MORN1: variants seen among roughly 807,000 people sequenced by gnomAD.
The protein encoded by MORN1 is MORN repeat containing 1, also known as MORN repeat-containing protein 1.
Under a neutral mutation model 61.9 loss-of-function variants are expected in MORN1, and 67 were observed. The ratio of observed to expected loss-of-function variants is 1.08; its 90% CI spans 0.89 to 1.33. MORN1 has a LOEUF of 1.33. Ranked by LOEUF, MORN1 falls within the 40% of genes most tolerant of loss-of-function variation. The pLI, the probability that MORN1 is intolerant of heterozygous loss-of-function variation, is 0.00. For missense variants in MORN1, 752 were observed against 691.2 expected (o/e 1.09, Z -0.99); for synonymous variants, 301 against 292.0 (o/e 1.03, Z -0.31).
chr1:2,322,157 C>A (rs973251726), intron 13 of MORN1: 209 of 985,306 alleles, frequency 2.1e-4, no homozygotes, highest in Non-Finnish European at 2.4e-4. Flanking sequence ...AGGAAAAGTA[C>A]TTTTCCTTTC....
chr1:2,369,106 C>A (rs1344934206), intron 8 of MORN1, among the ~76,000 whole-genome samples: 1 of 150,306 alleles, frequency 6.7e-6, no homozygotes, highest in African/African-American at 2.4e-5. Context: ...AATCCCAGCA[C>A]TTTGGGAGGC....
rs1007397932 is a variant in MORN1, at chr1:2,337,420, C to T, written c.1037-570G>A. On this transcript the variant is annotated intron_variant, in intron 10 of 13. Transcript: ENST00000378531. This position sits in a 1 kb window ranked among gnomAD's most constrained non-coding sequence, Gnocchi z 5.7. ...CTCGGGCATCAGAGGCGGGTGTGGG[C>T]GGGCTCAGCCTGTGCATCCCTCAGT... 7.9e-5 allele frequency among the ~76,000 whole-genome samples: 12 copies of T among 152,220 alleles called. No individual in the cohort carries two copies. Among genetic ancestry groups the T allele is most frequent in the Admixed American group, 3.9e-4 (6 of 15,296 alleles).
intron 10 of MORN1, among the ~76,000 whole-genome samples, chr1:2,348,590 C>T (rs55746811): frequency 0.12 from 18,190 of 150,810 alleles, 3,096 homozygotes; most frequent in African/African-American, 0.38. Flanking sequence ...TGCACACACA[C>T]GCATGCGCAC....
intron 13 of MORN1, chr1:2,321,910 C>G (rs1235149471): frequency 3.1e-6 from 2 of 655,256 alleles, no homozygotes; most frequent in Non-Finnish European, 1.9e-6. Flanking sequence ...GCTCTCAAGC[C>G]CCCACTGCTG....
rs138594566 is a variant in MORN1 at position 2,374,493 on chromosome 1, T to G, written c.602A>C (p.Tyr201Ser). The G allele has an allele frequency of 1.9e-4, 308 of 1,603,320 alleles. No individual in the cohort carries two copies. The African/African-American group carries it at 3.1e-3, about 16-fold the overall frequency. The change falls in exon 7 of 14, where the codon TAT (tyrosine) becomes TCT (serine). Residue 201 changes from tyrosine (Y) to serine (S), a missense_variant. Tyr to Ser is a moderately radical substitution (Grantham distance 144). Coordinates refer to ENST00000378531, the MANE Select transcript of MORN1 (RefSeq NM_024848.3). ...GTGGCCATTGATCCACAACCCATAA[T>G]AGGTGACCCCTGAGCAGTGGGCCAT... ...GSMAHCSGVTYYGLWINGHPA... is the reference protein window; with the variant it reads ...GSMAHCSGVTSYGLWINGHPA...
chr1:2,363,103 T>C (rs1432774667), intron 8 of MORN1: 2 of 152,162 alleles, frequency 1.3e-5, no homozygotes, highest in South Asian at 4.1e-4. Context: ...ACCTAAGTGG[T>C]CATTTAAATA....
Position 2,372,434 on chromosome 1 carries a change from G to C in MORN1, c.745+47C>G. 6.9e-7 allele frequency: 1 copy of C among 1,456,456 alleles called. No homozygotes were observed. The highest frequency in any genetic ancestry group is 2.3e-5 in the East Asian group (1 of 43,824). 90.2% of individuals were successfully genotyped at this position (1,456,456 alleles called of 1,614,324 possible). ...TTCACTGCTTAAGAACCTGCTGCCT[G>C]TTTCTCTTTTGGAAACGTTAGGTCA... On this transcript the variant is annotated intron_variant, in intron 8 of 13. Coordinates refer to ENST00000378531, the MANE Select transcript of MORN1 (RefSeq NM_024848.3). This position sits in a 1 kb window ranked among gnomAD's most constrained non-coding sequence, Gnocchi z 5.4.
intron 8 of MORN1, among the ~76,000 whole-genome samples, chr1:2,362,030 G>C (rs540573063): frequency 5.7e-4 from 86 of 152,160 alleles, no homozygotes; most frequent in Non-Finnish European, 1.0e-3. Context: ...TCAGGAGTTT[G>C]AGACCGCCCT....
At chr1:2,335,196 C>A (rs566918618) in intron 12 of MORN1, among the ~76,000 whole-genome samples, 1 of 152,372 alleles carries the variant, frequency 6.6e-6, no homozygotes, top group South Asian at 2.1e-4. Context: ...CCGAGCGTTC[C>A]CCACGAGGGG....
rs371186320 is a variant in MORN1 at position 2,380,644 on chromosome 1, A to C, written c.537+4334T>G. ...ACTACAACCTCTGCCTCCCAGGTTC[A>C]AGCGATCCTCCCTCCTCAGCCTCCT... is the stretch of plus-strand genomic sequence containing the variant. On this transcript the variant is annotated intron_variant, in intron 6 of 13. Coordinates refer to ENST00000378531, the MANE Select transcript of MORN1 (RefSeq NM_024848.3). Among the ~76,000 whole-genome samples the C allele has an allele frequency of 4.3e-3, 652 of 152,224 alleles. 7 individuals are homozygous for C. The highest frequency in any genetic ancestry group is 0.015 in the African/African-American group (608 of 41,530).
In MORN1 at chr1:2,321,362, GCCT is replaced by G; in HGVS notation, c.*18_*20del. ...GTTTCCTTCCATTCACACCGAGGTG[GCCT>G]CCTGTGGACACGGGGCCTCACCGAG... is the stretch of plus-strand genomic sequence containing the variant. On this transcript the variant is annotated 3_prime_UTR_variant, in exon 14 of 14. Coordinates refer to ENST00000378531, the MANE Select transcript of MORN1 (RefSeq NM_024848.3). 1 of 1,448,166 alleles carries G rather than the reference GCCT, an allele frequency of 6.9e-7. No individual in the cohort carries two copies. Among genetic ancestry groups the G allele is most frequent in the Non-Finnish European group, 9.2e-7 (1 of 1,088,262 alleles). 89.7% of individuals were successfully genotyped at this position (1,448,166 alleles called of 1,614,324 possible). A position where few individuals can be genotyped will look rare whatever the true frequency, so the allele number is the denominator to read the frequency against.
intron 8 of MORN1, among the ~76,000 whole-genome samples, chr1:2,362,777 T>G (rs997446856): frequency 2.6e-5 from 4 of 152,030 alleles, no homozygotes; most frequent in African/African-American, 9.7e-5. Context: ...GGCAGGAGAA[T>G]TGCTTGAACC....
chr1:2,322,924 G>C, intron 13 of MORN1: 10 of 985,446 alleles, frequency 1.0e-5, no homozygotes, highest in Admixed American at 6.1e-5. Flanking sequence ...CGACGGCCAC[G>C]TGATCTAGCC....
chr1:2,380,158 A>G (rs572665467), intron 6 of MORN1, among the ~76,000 whole-genome samples: 10 of 152,338 alleles, frequency 6.6e-5, no homozygotes, highest in Admixed American at 2.0e-4. Flanking sequence ...CACCACTCAC[A>G]GGAGGCCCTG....
chr1:2,380,368 A>T (rs1228322440), intron 6 of MORN1, among the ~76,000 whole-genome samples: 1 of 152,152 alleles, frequency 6.6e-6, no homozygotes, highest in Admixed American at 6.5e-5. Context: ...GGCCCAGCGC[A>T]GCGGCTCACG....
intron 8 of MORN1, among the ~76,000 whole-genome samples, chr1:2,364,426 G>A (rs1641959325): frequency 8.3e-6 from 1 of 119,866 alleles, no homozygotes; most frequent in East Asian, 2.6e-4. Flanking sequence ...TTTTTTTCTT[G>A]TAAATTTGAG....
intron 10 of MORN1, among the ~76,000 whole-genome samples, chr1:2,339,250 G>A (rs1358590722): frequency 6.6e-6 from 1 of 152,198 alleles, no homozygotes; most frequent in Non-Finnish European, 1.5e-5. Context: ...CACACCGTGT[G>A]TCTTTCTTCT....
intron 3 of MORN1, chr1:2,387,880 A>T: frequency 2.4e-6 from 1 of 423,300 alleles, no homozygotes; most frequent in Non-Finnish European, 4.3e-6. Context: ...GAACCCACCG[A>T]CCCCTCTGGC....
At chr1:2,389,904 G>A (rs771311411) in intron 2 of MORN1, 21 bp downstream of exon 2, 15 of 1,611,258 alleles carry the variant, frequency 9.3e-6, no homozygotes, top group East Asian at 2.2e-5. Context: ...GCTGCAAGAA[G>A]AGACCACAGA....
Sources: gnomAD v4.1 joint callset for allele counts (sites outside exome capture counted in the v4.1 genomes callset) on GRCh38, gnomAD v4.1.1 for gene constraint, Gnocchi (gnomAD v3.1) non-coding constraint, MANE v1.5 for transcripts, NCBI Gene and HGNC (gene_info 2026-07-23, HGNC 2026-07-21) for gene names.